RFWD3: variants seen among roughly 807,000 people sequenced by gnomAD.
RFWD3 encodes the protein E3 ubiquitin-protein ligase RFWD3.
In RFWD3, 65 loss-of-function variants were observed where a neutral mutation model predicts 87.7. The ratio of observed to expected loss-of-function variants is 0.74; its 90% CI spans 0.61 to 0.91. RFWD3 has a LOEUF of 0.91. RFWD3 is among the 40% of genes least tolerant of loss of function. The pLI is 0.00. For synonymous variants in RFWD3, 433 were observed against 352.8 expected, an observed-to-expected ratio of 1.23 and a Z score of -2.55; for missense variants, 1,078 against 938.5, an observed-to-expected ratio of 1.15 and a Z score of -1.94.
chr16:74,633,782 G>A (rs1959169789), intron 8 of RFWD3, among the ~76,000 whole-genome samples: 1 of 151,952 alleles, frequency 6.6e-6, no homozygotes, highest in Non-Finnish European at 1.5e-5. Context: ...AAACCCTGTT[G>A]CTACAAAAAA....
intron 2 of RFWD3, among the ~76,000 whole-genome samples, chr16:74,657,952 T>C (rs903817656): frequency 6.6e-6 from 1 of 152,112 alleles, no homozygotes; most frequent in Non-Finnish European, 1.5e-5. Context: ...GAATTCTACA[T>C]AGAACCCAGT....
chr16:74,660,670 C>G, intron 2 of RFWD3: 1 of 372,548 alleles, frequency 2.7e-6, no homozygotes, highest in East Asian at 4.8e-5. Flanking sequence ...TTTTGGTGTA[C>G]AAGACACAAT....
chr16:74,645,403 G>T (rs755058477), intron 4 of RFWD3, among the ~76,000 whole-genome samples: 2 of 152,206 alleles, frequency 1.3e-5, no homozygotes, highest in African/African-American at 4.8e-5. Flanking sequence ...TGAGAAATGC[G>T]TCTTTAGGCG....
intron 1 of RFWD3, among the ~76,000 whole-genome samples, chr16:74,664,003 C>T (rs575959954): frequency 5.9e-5 from 9 of 152,140 alleles, no homozygotes; most frequent in Non-Finnish European, 1.2e-4. Flanking sequence ...CCCCTATGCA[C>T]GAGAAAACTG....
intron 12 of RFWD3, among the ~76,000 whole-genome samples, chr16:74,625,770 A>G (rs1394879323): frequency 6.6e-6 from 1 of 152,222 alleles, no homozygotes; most frequent in Non-Finnish European, 1.5e-5. Flanking sequence ...ACAAGTTTAT[A>G]TTTAACTTGA....
intron 10 of RFWD3, 101 bp from the exon 11 acceptor site, chr16:74,628,767 G>C: frequency 1.0e-6 from 1 of 958,428 alleles, no homozygotes; most frequent in Non-Finnish European, 1.6e-6. Flanking sequence ...TGCAGAGGAG[G>C]TTAAACGCCT....
intron 1 of RFWD3, 71 bp from the exon 2 acceptor site, chr16:74,661,522 A>G (rs1418213914): frequency 7.7e-6 from 10 of 1,305,072 alleles, no homozygotes; most frequent in Non-Finnish European, 9.5e-6. Flanking sequence ...ACAGAATCAT[A>G]TTTAATCTTT....
At chr16:74,652,180 A>G in intron 2 of RFWD3, 58 bp from the exon 3 acceptor site, 4 of 1,471,188 alleles carry the variant, frequency 2.7e-6, no homozygotes, top group South Asian at 2.4e-5. Flanking sequence ...CACAAAAACA[A>G]TCTATAGTGA....
chr16:74,647,614 T>A (rs1238119880), intron 4 of RFWD3, among the ~76,000 whole-genome samples: 2 of 151,250 alleles, frequency 1.3e-5, no homozygotes, highest in South Asian at 4.2e-4. Context: ...TTCTTTGAGA[T>A]GAAGTCGTGC....
chr16:74,644,307 T>C, intron 6 of RFWD3, 55 bp downstream of exon 6: 1 of 1,547,346 alleles, frequency 6.5e-7, no homozygotes, highest in Non-Finnish European at 8.9e-7. Flanking sequence ...TTTTCAGATG[T>C]GCCTACAATG....
intron 1 of RFWD3, among the ~76,000 whole-genome samples, chr16:74,662,431 C>T (rs953079168): frequency 6.6e-6 from 1 of 152,104 alleles, no homozygotes; most frequent in South Asian, 2.1e-4. Context: ...ACAGATAAGA[C>T]CCCATGTATC....
intron 6 of RFWD3, among the ~76,000 whole-genome samples, chr16:74,641,694 G>T (rs1597432096): frequency 6.6e-6 from 1 of 151,788 alleles, no homozygotes; most frequent in African/African-American, 2.4e-5. Flanking sequence ...GGAGTCCAAG[G>T]CAGGCTGATC....
At chr16:74,639,474 A>G (rs1283030334) in intron 6 of RFWD3, among the ~76,000 whole-genome samples, 1 of 152,234 alleles carries the variant, frequency 6.6e-6, no homozygotes, top group Non-Finnish European at 1.5e-5. Flanking sequence ...ACTGTAAAGT[A>G]AAAGGCTAGG....
In RFWD3 at chr16:74,644,643, G is replaced by A. The variant is rs1959963631; in HGVS notation, c.885C>T (p.Thr295=). 1 of 1,613,922 alleles carries A rather than the reference G, an allele frequency of 6.2e-7. No individual in the cohort carries two copies. ...DTCTICLEQW[T]NAGDHRLSAL... ...CTGAGAGCCGGTGGTCCCCAGCATT[G>A]GTCCACTGTTCCAGACATATTGTAC... Residue 295 remains threonine (T), a synonymous_variant, in exon 5 of 13, where the codon ACC becomes ACT. Transcript: ENST00000361070.
chr16:74,631,637 A>C (rs1959098893), intron 9 of RFWD3, among the ~76,000 whole-genome samples: 1 of 152,214 alleles, frequency 6.6e-6, no homozygotes, highest in Non-Finnish European at 1.5e-5. Flanking sequence ...AAGGGTATAA[A>C]AGAAGTCATC....
chr16:74,635,405 T>G (rs932228778), intron 8 of RFWD3, among the ~76,000 whole-genome samples: 4 of 151,944 alleles, frequency 2.6e-5, no homozygotes, highest in African/African-American at 9.7e-5. Context: ...AGGCAGAGGT[T>G]GCAGTGAGCT....
intron 6 of RFWD3, among the ~76,000 whole-genome samples, chr16:74,641,928 C>CAAAAAAAAAAAAAAAA (rs71158533): frequency 1.9e-5 from 1 of 52,474 alleles, no homozygotes; most frequent in Non-Finnish European, 3.2e-5. Flanking sequence ...ACTCCGTCTC[C>CAAAAAAAAAAAAAAAA]AAAAAAAAAA....
In RFWD3 at chr16:74,649,133, T is replaced by G; in HGVS notation, c.791A>C (p.Gln264Pro). 6.4e-7 allele frequency: 1 copy of G among 1,566,998 alleles called. No individual in the cohort carries two copies. Among genetic ancestry groups the G allele is most frequent in the Non-Finnish European group, 8.6e-7 (1 of 1,158,550 alleles). The change falls in exon 4 of 13, where the codon CAG becomes CCG. Residue 264 changes from glutamine (Q) to proline (P), a missense_variant and splice_region_variant. Physicochemically the swap from Gln to Pro is moderately conservative, Grantham distance 76 (BLOSUM62 -1). Coordinates refer to ENST00000361070, the MANE Select transcript of RFWD3 (RefSeq NM_018124.4). The stretch of plus-strand genomic sequence containing the variant: ...TTTTTAAAATGATGTTCATATTACC[T>G]GTTTGGGGAGGGTCTTGCCTCCATC... ...CIDGGKTLPK[Q>P]PSPQKSEPLL...
chr16:74,637,538 C>A (rs1345411818), intron 7 of RFWD3, among the ~76,000 whole-genome samples: 2 of 152,178 alleles, frequency 1.3e-5, no homozygotes, highest in East Asian at 1.9e-4. Context: ...GAGGCTGAGG[C>A]AGGAGAACCG....
Sources: allele counts gnomAD v4.1 joint callset (sites outside exome capture counted in the v4.1 genomes callset), GRCh38; gene constraint gnomAD v4.1.1; transcripts MANE v1.5; gene names NCBI Gene and HGNC (gene_info 2026-07-23, HGNC 2026-07-21).